Variants in C1GALT1 observed in about 807,000 individuals in gnomAD.
C1GALT1 encodes the protein glycoprotein-N-acetylgalactosamine 3-beta-galactosyltransferase 1.
Under a neutral mutation model 31.0 loss-of-function variants are expected in C1GALT1, and 11 were observed. The observed-to-expected ratio is 0.36, with a 90% CI of 0.22 to 0.59. The LOEUF is 0.59. C1GALT1 is among the 20% of genes least tolerant of loss of function. The probability of loss-of-function intolerance (pLI) is 0.79; values close to 1 mark genes in which losing one functional copy is unlikely to be tolerated. For synonymous variants in C1GALT1, 175 were observed against 143.6 expected (o/e 1.22, Z -1.56); for missense variants, 424 against 425.2 (o/e 1.00, Z 0.03).
At position 7,234,861 on chromosome 7, in the gene C1GALT1, G is replaced by A. The variant is rs1191338254; in HGVS notation, c.220+322G>A. 3 of 174,750 alleles carry A rather than the reference G, an allele frequency of 1.7e-5. No homozygotes were observed. The Admixed American group carries it at 1.8e-4, about 11-fold the overall frequency. The allele number at this position is 174,750 out of a possible 1,614,324, so 10.8% of individuals were successfully genotyped here. A position where few individuals can be genotyped will look rare whatever the true frequency, so the allele number is the denominator to read the frequency against. ...TGTGTGTCTTTGGTTTTTGTTACTT[G>A]TTTTGGTCATAGCTTTTGCTTAAGT... On this transcript the variant is annotated intron_variant, in intron 2 of 3. Transcript: ENST00000436587.
intron 3 of C1GALT1, among the ~76,000 whole-genome samples, chr7:7,241,715 A>C (rs1783637677): frequency 6.6e-6 from 1 of 151,992 alleles, no homozygotes; most frequent in African/African-American, 2.4e-5. Flanking sequence ...GCATCTTTAA[A>C]ATCTGGCTTT....
At chr7:7,200,926 T>G (rs1781504962) in intron 1 of C1GALT1, among the ~76,000 whole-genome samples, 2 of 152,238 alleles carry the variant, frequency 1.3e-5, no homozygotes, top group South Asian at 4.1e-4. Context: ...TTTAGCTTCT[T>G]TGCGATGGGT....
chr7:7,180,205 T>C (rs1176633407), upstream of C1GALT1, among the ~76,000 whole-genome samples: 1 of 152,258 alleles, frequency 6.6e-6, no homozygotes, highest in African/African-American at 2.4e-5. Flanking sequence ...ATGTTTCAAA[T>C]GGGAGAATCT....
chr7:7,206,568 C>T (rs186019285), intron 1 of C1GALT1, among the ~76,000 whole-genome samples: 7 of 151,524 alleles, frequency 4.6e-5, no homozygotes, highest in Non-Finnish European at 8.8e-5. Context: ...CCCAGCTACT[C>T]GGGAGGCTGA....
intron 1 of C1GALT1, among the ~76,000 whole-genome samples, chr7:7,214,601 A>G (rs1308389934): frequency 1.3e-5 from 2 of 152,144 alleles, no homozygotes; most frequent in East Asian, 1.9e-4. Context: ...CACAGGTGAA[A>G]CCAACAAGGC....
intron 1 of C1GALT1, among the ~76,000 whole-genome samples, chr7:7,210,728 C>A (rs762424913): frequency 6.6e-6 from 1 of 152,102 alleles, no homozygotes; most frequent in East Asian, 1.9e-4. Context: ...TGATGTTCTA[C>A]GCTCGTCGGG....
intron 1 of C1GALT1, among the ~76,000 whole-genome samples, chr7:7,207,730 T>A (rs1470865050): frequency 6.6e-6 from 1 of 151,944 alleles, no homozygotes; most frequent in African/African-American, 2.4e-5. Flanking sequence ...AAATTTAATT[T>A]AATGTGGTAA....
chr7:7,222,697 T>C (rs533517029), intron 1 of C1GALT1, among the ~76,000 whole-genome samples: 105 of 152,346 alleles, frequency 6.9e-4, no homozygotes, highest in Admixed American at 5.0e-3. Flanking sequence ...CAAATAATTA[T>C]TGCTATTTTG....
At chr7:7,208,289 T>C (rs1781841249) in intron 1 of C1GALT1, among the ~76,000 whole-genome samples, 3 of 152,192 alleles carry the variant, frequency 2.0e-5, no homozygotes, top group Admixed American at 6.5e-5. Context: ...TGATGGCATA[T>C]TGTCATGATT....
intron 1 of C1GALT1, among the ~76,000 whole-genome samples, chr7:7,230,412 A>G (rs1783014561): frequency 6.6e-6 from 1 of 151,936 alleles, no homozygotes; most frequent in Admixed American, 6.6e-5. Flanking sequence ...TTTTTCTATT[A>G]TTTTGCTTTC....
intron 1 of C1GALT1, among the ~76,000 whole-genome samples, chr7:7,210,918 CT>C (rs954222091): frequency 4.6e-5 from 7 of 152,178 alleles, no homozygotes; most frequent in Non-Finnish European, 8.8e-5. Flanking sequence ...CCAAGGACCC[CT>C]TTTTCTTCTC....
chr7:7,192,344 T>C (rs554579926), intron 1 of C1GALT1, among the ~76,000 whole-genome samples: 1 of 152,094 alleles, frequency 6.6e-6, no homozygotes, highest in Non-Finnish European at 1.5e-5. Context: ...TTCTATGCCT[T>C]TGCATCCTCA....
chr7:7,242,202 A>AAATT (rs61569560), intron 3 of C1GALT1, among the ~76,000 whole-genome samples: 45,368 of 146,276 alleles, frequency 0.31, 7,684 homozygotes, highest in East Asian at 0.71. Context: ...AAATAAAATG[A>AAATT]AATTTCACTT....
At chr7:7,192,635 C>T (rs570725438) in intron 1 of C1GALT1, among the ~76,000 whole-genome samples, 3 of 152,018 alleles carry the variant, frequency 2.0e-5, no homozygotes, top group South Asian at 2.1e-4. Flanking sequence ...GTGTGTTTTT[C>T]GTATAATGAC....
At chr7:7,185,604 T>C (rs950159667) in intron 1 of C1GALT1, among the ~76,000 whole-genome samples, 2 of 152,246 alleles carry the variant, frequency 1.3e-5, no homozygotes, top group African/African-American at 4.8e-5. Flanking sequence ...GACTCTGTTA[T>C]CACAACATAA....
At chr7:7,183,629 T>A in intron 1 of C1GALT1, 1 of 981,418 alleles carries the variant, frequency 1.0e-6, no homozygotes, top group Non-Finnish European at 1.2e-6. Flanking sequence ...GACCATAATT[T>A]AGCGCTGTGG....
In C1GALT1 at chr7:7,225,910, T is replaced by C. The variant is rs77730912; in HGVS notation, c.-17-8393T>C. 6.4e-4 allele frequency among the ~76,000 whole-genome samples: 97 copies of C among 152,292 alleles called. 1 individual carries two copies. The East Asian group carries it at 0.018, about 28-fold the overall frequency. ...AAAGGGAAAGGATATGGAAAGTTAA[T>C]AGACAGCTATAGGTGCGAGAGTGGT... On this transcript the variant is annotated intron_variant, in intron 1 of 3. Transcript: ENST00000436587.
intron 1 of C1GALT1, among the ~76,000 whole-genome samples, chr7:7,211,710 C>T (rs761582496): frequency 2.6e-5 from 4 of 152,118 alleles, no homozygotes; most frequent in South Asian, 2.1e-4. Context: ...AAGAAACCTT[C>T]GGGTTATGGA....
At chr7:7,228,416 A>C (rs6943933) in intron 1 of C1GALT1, among the ~76,000 whole-genome samples, 1 of 152,014 alleles carries the variant, frequency 6.6e-6, no homozygotes, top group Non-Finnish European at 1.5e-5. Context: ...AGCACTTGGC[A>C]TAAAGAACTT....
Sources: allele counts gnomAD v4.1 joint callset (sites outside exome capture counted in the v4.1 genomes callset), GRCh38; gene constraint gnomAD v4.1.1; transcripts MANE v1.5; gene names NCBI Gene and HGNC (gene_info 2026-07-23, HGNC 2026-07-21).